CDK14: variants seen among roughly 807,000 people sequenced by gnomAD.
CDK14 encodes the protein cyclin-dependent kinase 14.
CDK14 carries 34 observed loss-of-function variants against 60.7 expected under a neutral mutation model. The observed-to-expected ratio is 0.56, with a 90% CI of 0.43 to 0.75. CDK14 has a LOEUF of 0.75. Ranked by LOEUF, CDK14 falls within the 30% of genes least tolerant of loss-of-function variation. The pLI, the probability that CDK14 is intolerant of heterozygous loss-of-function variation, is 0.00. For missense variants in CDK14, 482 were observed against 564.1 expected (o/e 0.85, Z 1.47); for synonymous variants, 197 against 203.7 (o/e 0.97, Z 0.28).
At chr7:90,793,363 A>G (rs1805911241) in intron 5 of CDK14, among the ~76,000 whole-genome samples, 1 of 152,242 alleles carries the variant, frequency 6.6e-6, no homozygotes, top group South Asian at 2.1e-4. Context: ...AGATTTTGAA[A>G]TCTAAAAGAT....
intron 5 of CDK14, among the ~76,000 whole-genome samples, chr7:90,853,568 C>G (rs1790720046): frequency 6.6e-6 from 1 of 152,150 alleles, no homozygotes; most frequent in African/African-American, 2.4e-5. Flanking sequence ...TGCTACCCCT[C>G]TCCCTCTGTG....
intron 10 of CDK14, among the ~76,000 whole-genome samples, chr7:91,020,637 T>C (rs73403364): frequency 0.022 from 3,323 of 152,320 alleles, 118 homozygotes; most frequent in African/African-American, 0.076. Flanking sequence ...AGGGGATGAA[T>C]AGTGGAGCCT....
intron 14 of CDK14, among the ~76,000 whole-genome samples, chr7:91,177,149 T>A (rs1466130499): frequency 6.6e-6 from 1 of 151,546 alleles, no homozygotes; most frequent in Non-Finnish European, 1.5e-5. Context: ...GCAAGGCTGG[T>A]TCAATATATG....
chr7:90,770,633 T>G (rs965502107), intron 4 of CDK14, among the ~76,000 whole-genome samples: 1 of 152,226 alleles, frequency 6.6e-6, no homozygotes, highest in African/African-American at 2.4e-5. Context: ...CTCTGGAGTC[T>G]GCTGTCTTTC....
At chr7:90,774,970 C>G (rs1265647010) in intron 4 of CDK14, among the ~76,000 whole-genome samples, 1 of 152,192 alleles carries the variant, frequency 6.6e-6, no homozygotes, top group Non-Finnish European at 1.5e-5. Context: ...GGGGACTCCT[C>G]AGAGCCTCAT....
chr7:90,737,789 C>T (rs1251991436), intron 3 of CDK14, among the ~76,000 whole-genome samples: 1 of 152,326 alleles, frequency 6.6e-6, no homozygotes, highest in African/African-American at 2.4e-5. Context: ...TCCTCTCTCA[C>T]CCTCATACCC....
intron 2 of CDK14, among the ~76,000 whole-genome samples, chr7:90,671,811 A>T (rs553260745): frequency 1.0e-3 from 155 of 152,336 alleles, no homozygotes; most frequent in African/African-American, 3.4e-3. Context: ...CCTTCAGCAT[A>T]TGTAAAAACA....
chr7:91,068,458 T>C (rs1798041490), intron 11 of CDK14, among the ~76,000 whole-genome samples: 1 of 152,220 alleles, frequency 6.6e-6, no homozygotes, highest in Non-Finnish European at 1.5e-5. Flanking sequence ...TTTATATACC[T>C]TCTGAATTAC....
At chr7:90,674,818 C>T (rs1048727870) in intron 2 of CDK14, among the ~76,000 whole-genome samples, 1 of 152,168 alleles carries the variant, frequency 6.6e-6, no homozygotes, top group African/African-American at 2.4e-5. Context: ...TCAGCACACC[C>T]AGTCTGGCTC....
chr7:90,668,696 ATTCTTTTT>A (rs1347100603), intron 2 of CDK14, among the ~76,000 whole-genome samples: 5 of 68,426 alleles, frequency 7.3e-5, no homozygotes, highest in Admixed American at 2.1e-4. Context: ...AAGGACTCGC[ATTCTTTTT>A]TTTTTTTTTT....
intron 2 of CDK14, among the ~76,000 whole-genome samples, chr7:90,644,757 A>G (rs900933002): frequency 6.6e-6 from 1 of 152,212 alleles, no homozygotes; most frequent in Non-Finnish European, 1.5e-5. Flanking sequence ...TGCAGCCCAG[A>G]GTGGTCATTA....
intron 6 of CDK14, among the ~76,000 whole-genome samples, chr7:90,888,420 G>A (rs553544886): frequency 1.4e-4 from 22 of 152,052 alleles, no homozygotes; most frequent in African/African-American, 4.1e-4. Flanking sequence ...TCTGAGTCAC[G>A]CATTTAGTAC....
chr7:90,951,173 T>C (rs1794249218), intron 8 of CDK14, among the ~76,000 whole-genome samples: 1 of 152,232 alleles, frequency 6.6e-6, no homozygotes, highest in Non-Finnish European at 1.5e-5. Context: ...TAAAATATTA[T>C]CCAAGCATTT....
At chr7:90,803,350 C>T (rs1788713945) in intron 5 of CDK14, among the ~76,000 whole-genome samples, 1 of 152,166 alleles carries the variant, frequency 6.6e-6, no homozygotes, top group Admixed American at 6.5e-5. Flanking sequence ...GACAAAAAGG[C>T]ACCCAAATAT....
At chr7:91,098,318 G>C (rs1400243050) in intron 12 of CDK14, among the ~76,000 whole-genome samples, 1 of 151,942 alleles carries the variant, frequency 6.6e-6, no homozygotes, top group Admixed American at 6.6e-5. Context: ...CATTATTTTT[G>C]GTGATTTTCT....
At chr7:90,818,651 G>A (rs1019268674) in intron 5 of CDK14, among the ~76,000 whole-genome samples, 2 of 152,082 alleles carry the variant, frequency 1.3e-5, no homozygotes, top group Non-Finnish European at 2.9e-5. Context: ...TTCTGAATAA[G>A]CAACGAGTAA....
chr7:91,197,699 TA>T (rs953463841), intron 14 of CDK14, among the ~76,000 whole-genome samples: 4 of 152,204 alleles, frequency 2.6e-5, no homozygotes, highest in Admixed American at 6.5e-5. Flanking sequence ...GTACTTTGGA[TA>T]GGAGAAAATT....
At chr7:91,177,288 T>C (rs1288741799) in intron 14 of CDK14, among the ~76,000 whole-genome samples, 1 of 137,078 alleles carries the variant, frequency 7.3e-6, no homozygotes, top group Non-Finnish European at 1.6e-5. Context: ...CTCAATAAAT[T>C]AGGTATTGAT....
intron 2 of CDK14, among the ~76,000 whole-genome samples, chr7:90,670,746 C>G (rs1003757265): frequency 6.6e-6 from 1 of 152,060 alleles, no homozygotes; most frequent in Non-Finnish European, 1.5e-5. Flanking sequence ...GAATCCACCC[C>G]GCGACCCAAA....
Sources: gnomAD v4.1 joint callset for allele counts (sites outside exome capture counted in the v4.1 genomes callset) on GRCh38, gnomAD v4.1.1 for gene constraint, MANE v1.5 for transcripts, NCBI Gene and HGNC (gene_info 2026-07-23, HGNC 2026-07-21) for gene names.